TBL1XR1: variants seen among roughly 807,000 people sequenced by gnomAD.
The protein encoded by TBL1XR1 is F-box-like/WD repeat-containing protein TBL1XR1.
In TBL1XR1, 5 loss-of-function variants were observed where a neutral mutation model predicts 66.9. That is an observed-to-expected ratio of 0.07 (90% CI 0.04 to 0.16). The LOEUF (loss-of-function observed/expected upper bound fraction) is 0.16, where lower values mean the gene tolerates loss of function less well. Ranked by LOEUF, TBL1XR1 falls within the 10% of genes least tolerant of loss-of-function variation. The pLI, the probability that TBL1XR1 is intolerant of heterozygous loss-of-function variation, is 1.00. For synonymous variants in TBL1XR1, 210 were observed against 206.0 expected (o/e 1.02, Z -0.17); for missense variants, 238 against 623.2 (o/e 0.38, Z 6.58).
chr3:177,083,277 G>C (rs1176813606), intron 2 of TBL1XR1, among the ~76,000 whole-genome samples: 1 of 151,858 alleles, frequency 6.6e-6, no homozygotes, highest in African/African-American at 2.4e-5. Context: ...TTGAATCTGA[G>C]CACAGTCTAA....
chr3:177,179,430 C>G (rs780761837), intron 1 of TBL1XR1, among the ~76,000 whole-genome samples: 1 of 152,186 alleles, frequency 6.6e-6, no homozygotes, highest in Non-Finnish European at 1.5e-5. Flanking sequence ...TACAGACACA[C>G]GCTGGAGCAC....
chr3:177,076,923 T>C (rs1478499229), intron 2 of TBL1XR1, among the ~76,000 whole-genome samples: 1 of 152,224 alleles, frequency 6.6e-6, no homozygotes, highest in Non-Finnish European at 1.5e-5. Context: ...TTCCAGATGA[T>C]GTGATACACA....
intron 1 of TBL1XR1, among the ~76,000 whole-genome samples, chr3:177,159,171 G>T (rs1731873881): frequency 6.6e-6 from 1 of 151,882 alleles, no homozygotes; most frequent in Non-Finnish European, 1.5e-5. Context: ...AAAAAAGAGA[G>T]AAATCAGTTT....
rs1296427786 is a variant in TBL1XR1, at chr3:177,020,659, A to T, written c.*4839T>A. The T allele has an allele frequency of 6.6e-6, 1 of 152,178 alleles. No homozygotes were observed. The highest frequency in any genetic ancestry group is 1.5e-5 in the Non-Finnish European group (1 of 68,004). The allele number at this position is 152,178 out of a possible 1,614,324, so 9.4% of individuals were successfully genotyped here. A position where few individuals can be genotyped will look rare whatever the true frequency, so the allele number is the denominator to read the frequency against. On this transcript the variant is annotated 3_prime_UTR_variant, in exon 16 of 16. Coordinates refer to ENST00000457928, the MANE Select transcript of TBL1XR1 (RefSeq NM_024665.7). ...CAATTAAAATGTAAACAAACTGTAA[A>T]CAAGAAATACCATCCCTCTCTCTTT...
chr3:177,168,483 T>C (rs990809513), intron 1 of TBL1XR1, among the ~76,000 whole-genome samples: 33 of 152,106 alleles, frequency 2.2e-4, no homozygotes, highest in Non-Finnish European at 3.2e-4. Context: ...GGTTTCACCA[T>C]ATTAGCCAGG....
chr3:177,178,213 GGA>G (rs1373551372), intron 1 of TBL1XR1, among the ~76,000 whole-genome samples: 1 of 152,140 alleles, frequency 6.6e-6, no homozygotes, highest in Non-Finnish European at 1.5e-5. Flanking sequence ...CAGAGTTTGG[GGA>G]GGAGGGACCC....
chr3:177,173,239 T>G (rs962161008), intron 1 of TBL1XR1, among the ~76,000 whole-genome samples: 1 of 152,134 alleles, frequency 6.6e-6, no homozygotes, highest in Non-Finnish European at 1.5e-5. Flanking sequence ...CCGTGGTGAT[T>G]TTAACATATG....
Position 177,156,492 on chromosome 3 carries a change from CAA to C in TBL1XR1, c.-122+40627_-122+40628del, listed in dbSNP as rs201148329. Among the ~76,000 whole-genome samples, 5 of 130,600 alleles carry C rather than the reference CAA, an allele frequency of 3.8e-5. No homozygotes were observed. The East Asian group carries it at 6.2e-4, about 16-fold the overall frequency. 85.7% of individuals were successfully genotyped at this position (130,600 alleles called of 152,430 possible). ...CTAGGGACAGAGTGAGACTCCATCT[CAA>C]AAAAAAAAAATTATATATATACATA... is the stretch of plus-strand genomic sequence containing the variant. On this transcript the variant is annotated intron_variant, in intron 1 of 15. Coordinates refer to ENST00000457928, the MANE Select transcript of TBL1XR1 (RefSeq NM_024665.7).
At chr3:177,155,260 GAAACT>G (rs1391269979) in intron 1 of TBL1XR1, among the ~76,000 whole-genome samples, 26 of 152,250 alleles carry the variant, frequency 1.7e-4, no homozygotes, top group African/African-American at 6.3e-4. Flanking sequence ...AAAAAGCAGT[GAAACT>G]AAACTGTCTT....
chr3:177,034,265 A>G lies in TBL1XR1; in HGVS notation c.1183T>C (p.Tyr395His), dbSNP rs1323521798. The change falls in exon 13 of 16, where the codon TAT becomes CAT. Residue 395 changes from tyrosine to histidine, a missense_variant. This residue lies in a region of TBL1XR1 where 89 missense variants were observed against 220.2 expected (regional missense o/e 0.40). Coordinates refer to ENST00000457928, the MANE Select transcript of TBL1XR1 (RefSeq NM_024665.7). ...HDLQAHNKEI[Y>H]TIKWSPTGPG... is the part of the protein sequence containing the mutation. ...CCTGTTGGACTCCATTTGATAGTAT[A>G]AATTTCTTTATTATGTGCTTGCAAA... The G allele has an allele frequency of 6.2e-7, 1 of 1,601,048 alleles. No homozygotes were observed. Among genetic ancestry groups the G allele is most frequent in the Admixed American group, 1.8e-5 (1 of 56,422 alleles).
At chr3:177,105,978 T>A (rs1219066275) in intron 1 of TBL1XR1, among the ~76,000 whole-genome samples, 1 of 152,172 alleles carries the variant, frequency 6.6e-6, no homozygotes, top group Non-Finnish European at 1.5e-5. Flanking sequence ...AGAAATATGT[T>A]AATACTACAT....
Position 177,033,281 on chromosome 3 carries a change from T to C in TBL1XR1, c.1251-145A>G, listed in dbSNP as rs574275205. 2.0e-5 allele frequency: 10 copies of C among 488,990 alleles called. No homozygotes were observed. In the South Asian group the frequency reaches 8.6e-4, roughly 42 times the overall value. The allele number at this position is 488,990 out of a possible 1,614,324, so 30.3% of individuals were successfully genotyped here. On this transcript the variant is annotated intron_variant, in intron 13 of 15. Coordinates refer to ENST00000457928, the MANE Select transcript of TBL1XR1 (RefSeq NM_024665.7). ...ACCGACTGGACTGTTAGGAAGAATA[T>C]TCTGTGATCTTCAAGTCAGTGACAA...
chr3:177,040,532 C>T (rs1287934236), intron 10 of TBL1XR1, among the ~76,000 whole-genome samples: 1 of 151,732 alleles, frequency 6.6e-6, no homozygotes, highest in South Asian at 2.1e-4. Context: ...ATATGTCATG[C>T]GTAAGAACTT....
chr3:177,190,302 C>G (rs1054180725), intron 1 of TBL1XR1, among the ~76,000 whole-genome samples: 16 of 152,166 alleles, frequency 1.1e-4, no homozygotes, highest in African/African-American at 3.6e-4. Flanking sequence ...ATTAAAAGGG[C>G]AAAACCATCC....
At chr3:177,161,759 G>A (rs1732238690) in intron 1 of TBL1XR1, among the ~76,000 whole-genome samples, 1 of 150,248 alleles carries the variant, frequency 6.7e-6, no homozygotes, top group Non-Finnish European at 1.5e-5. Flanking sequence ...ACTCCAGCTT[G>A]GGTGACAGAG....
intron 1 of TBL1XR1, among the ~76,000 whole-genome samples, chr3:177,132,101 C>CT (rs1728371158): frequency 1.3e-5 from 2 of 152,188 alleles, no homozygotes; most frequent in Admixed American, 1.3e-4. Context: ...TCTGTACCGG[C>CT]TTGTCAGCAT....
intron 3 of TBL1XR1, among the ~76,000 whole-genome samples, chr3:177,064,318 T>A (rs1383241942): frequency 2.0e-5 from 3 of 152,208 alleles, no homozygotes; most frequent in Admixed American, 6.5e-5. Flanking sequence ...CTTCTACTTT[T>A]AAATTTTTGC....
chr3:177,154,935 A>G (rs1285994370), intron 1 of TBL1XR1, among the ~76,000 whole-genome samples: 2 of 152,218 alleles, frequency 1.3e-5, no homozygotes, highest in Non-Finnish European at 2.9e-5. Flanking sequence ...TAAATCACAG[A>G]GTATTTTCTC....
intron 1 of TBL1XR1, among the ~76,000 whole-genome samples, chr3:177,162,070 A>G (rs888887946): frequency 6.6e-6 from 1 of 152,240 alleles, no homozygotes; most frequent in South Asian, 2.1e-4. Flanking sequence ...AGTTAAACAT[A>G]TATCTACATC....
Sources: gnomAD v4.1 joint callset for allele counts (sites outside exome capture counted in the v4.1 genomes callset) on GRCh38, gnomAD v4.1.1 for gene constraint, gnomAD v4.1.1 regional missense constraint, MANE v1.5 for transcripts, NCBI Gene and HGNC (gene_info 2026-07-23, HGNC 2026-07-21) for gene names.